OR2T10: variants seen among roughly 807,000 people sequenced by gnomAD.
OR2T10 encodes olfactory receptor 2T10.
For synonymous variants in OR2T10, 125 were observed against 141.8 expected, an observed-to-expected ratio of 0.88 and a Z score of 0.84; for missense variants, 335 against 382.5, an observed-to-expected ratio of 0.88 and a Z score of 1.04.
chr1:248,596,795 G>C (rs1283719056), intron 1 of OR2T10, among the ~76,000 whole-genome samples: 1 of 142,904 alleles, frequency 7.0e-6, no homozygotes, highest in Non-Finnish European at 1.5e-5. Context: ...CCTCCTTCTT[G>C]AGTGGGTATT....
rs558766972 is a variant in OR2T10 at position 248,594,252 on chromosome 1, G to A, written c.-28-456C>T. 5.6e-5 allele frequency among the ~76,000 whole-genome samples: 8 copies of A among 142,760 alleles called. No homozygotes were observed. In the East Asian group the frequency reaches 6.0e-4, roughly 11 times the overall value. 93.7% of individuals were successfully genotyped at this position (142,760 alleles called of 152,430 possible). A position where few individuals can be genotyped will look rare whatever the true frequency, so the allele number is the denominator to read the frequency against. On this transcript the variant is annotated intron_variant, in intron 1 of 1. Coordinates refer to ENST00000642090, the MANE Select transcript of OR2T10 (RefSeq NM_001004693.2). ...GTAATACTTGTGTTTCTTAAATCTC[G>A]TTACAAATCTACGAACATACAATTT...
In OR2T10 at chr1:248,593,092, T is replaced by C. The variant is rs369930196; in HGVS notation, c.677A>G (p.His226Arg). ...VSYYYIILTI[H>R]KMNSVEGRKK... Reference sequence around the variant, plus strand: ...CCGACCCTCAACTGAGTTCATCTTATGGATGGTGAGGATGATATAGTAGTA... The same window carrying C: ...CCGACCCTCAACTGAGTTCATCTTACGGATGGTGAGGATGATATAGTAGTA... The change falls in exon 2 of 2, where the codon CAT (histidine) becomes CGT (arginine). Residue 226 changes from histidine to arginine, a missense_variant. His to Arg is a conservative substitution (Grantham distance 29, BLOSUM62 0). Coordinates refer to ENST00000642090, the MANE Select transcript of OR2T10 (RefSeq NM_001004693.2). The C allele has an allele frequency of 6.4e-7, 1 of 1,572,598 alleles. No homozygotes were observed.
intron 1 of OR2T10, chr1:248,594,925 T>A (rs1260624106): frequency 7.0e-6 from 1 of 143,450 alleles, no homozygotes; most frequent in African/African-American, 2.8e-5. Flanking sequence ...CAATTTTTTT[T>A]AAAGACTACT....
intron 1 of OR2T10, among the ~76,000 whole-genome samples, chr1:248,596,646 A>G (rs1308665974): frequency 7.0e-6 from 1 of 143,746 alleles, no homozygotes. Flanking sequence ...AAAGAACAGC[A>G]ATTAGGTTCA....
Position 248,591,838 on chromosome 1 carries a change from AATAAG to A in OR2T10, c.*987_*991del, listed in dbSNP as rs1660004068. ...TGGGTTTCAGTTAAATCAACTGTAGAATAAGGCTAATAATAGGCTGTGAAAATAAA... is the reference window on the plus strand; with the variant it reads ...TGGGTTTCAGTTAAATCAACTGTAGAGCTAATAATAGGCTGTGAAAATAAA... On this transcript the variant is annotated 3_prime_UTR_variant, in exon 2 of 2. Transcript: ENST00000642090. 2.1e-5 allele frequency: 3 copies of A among 144,192 alleles called. No homozygotes were observed. Among genetic ancestry groups the A allele is most frequent in the Non-Finnish European group, 4.5e-5 (3 of 66,434 alleles). The allele number at this position is 144,192 out of a possible 1,614,324, so 8.9% of individuals were successfully genotyped here. A position where few individuals can be genotyped will look rare whatever the true frequency, so the allele number is the denominator to read the frequency against.
chr1:248,596,742 G>A (rs1424116754), intron 1 of OR2T10, among the ~76,000 whole-genome samples: 1 of 143,484 alleles, frequency 7.0e-6, no homozygotes, highest in Non-Finnish European at 1.5e-5. Context: ...AGTTGTGACA[G>A]GCTTCACAGT....
rs1659984829 is a variant in OR2T10 at position 248,590,758 on chromosome 1, T to C, written c.*2072A>G. On this transcript the variant is annotated 3_prime_UTR_variant, in exon 2 of 2. Coordinates refer to ENST00000642090, the MANE Select transcript of OR2T10 (RefSeq NM_001004693.2). Reference sequence around the variant, plus strand: ...GGCGTTTACTATAAACATTACAGCATGTACTCTTGATTTACTAAAGTTTAA... The same window carrying C: ...GGCGTTTACTATAAACATTACAGCACGTACTCTTGATTTACTAAAGTTTAA... The C allele has an allele frequency of 1.4e-5, 2 of 143,680 alleles. No individual in the cohort carries two copies. Among genetic ancestry groups the C allele is most frequent in the African/African-American group, 2.7e-5 (1 of 36,582 alleles). The allele number at this position is 143,680 out of a possible 1,614,324, so 8.9% of individuals were successfully genotyped here.
rs1280439562 is a variant in OR2T10 at position 248,591,662 on chromosome 1, A to G, written c.*1168T>C. 1 of 143,980 alleles carries G rather than the reference A, an allele frequency of 6.9e-6. No homozygotes were observed. The highest frequency in any genetic ancestry group is 2.7e-5 in the African/African-American group (1 of 36,652). The allele number at this position is 143,980 out of a possible 1,614,324, so 8.9% of individuals were successfully genotyped here. ...TGGAGTATGGCCCTCCCAGAGGGAGAGGCAATGCAGTGTGGAAAAGGCCAC... is the reference window on the plus strand; with the variant it reads ...TGGAGTATGGCCCTCCCAGAGGGAGGGGCAATGCAGTGTGGAAAAGGCCAC... On this transcript the variant is annotated 3_prime_UTR_variant, in exon 2 of 2. Transcript: ENST00000642090.
In OR2T10 at chr1:248,593,603, G is replaced by A; in HGVS notation, c.166C>T (p.His56Tyr). The A allele has an allele frequency of 6.4e-7, 1 of 1,565,152 alleles. No individual in the cohort carries two copies. The change falls in exon 2 of 2, where the codon CAT becomes TAT. Residue 56 changes from histidine (H) to tyrosine (Y), a missense_variant. Coordinates refer to ENST00000642090, the MANE Select transcript of OR2T10 (RefSeq NM_001004693.2). The stretch of plus-strand genomic sequence containing the variant: ...TTTATAAAGAAGTACATGGGAGTAT[G>A]CAGAGAGGAGTCAATGTGGATCAGA... ...ILLIHIDSSLHTPMYFFINQL... is the reference protein window; with the variant it reads ...ILLIHIDSSLYTPMYFFINQL...
rs760029516 is a variant in OR2T10 at position 248,593,328 on chromosome 1, G to T, written c.441C>A (p.Gly147=). The part of the protein sequence containing the change: ...SHRVCLLLAS[G]CWFVGSVDGF... ...CATCCACTGAGCCCACAAACCAGCAGCCTGATGCCAGGAGGAGACATACCC... is the reference window on the plus strand; with the variant it reads ...CATCCACTGAGCCCACAAACCAGCATCCTGATGCCAGGAGGAGACATACCC... Residue 147 remains glycine (G), a synonymous_variant, in exon 2 of 2, where the codon GGC becomes GGA. Transcript: ENST00000642090. 1 of 1,573,392 alleles carries T rather than the reference G, an allele frequency of 6.4e-7. No individual in the cohort carries two copies. The highest frequency in any genetic ancestry group is 8.6e-7 in the Non-Finnish European group (1 of 1,157,044).
rs1476983618 is a variant in OR2T10 at position 248,592,239 on chromosome 1, G to C, written c.*591C>G. On this transcript the variant is annotated 3_prime_UTR_variant, in exon 2 of 2. Transcript: ENST00000642090. ...TTCTGATGGAAGAAAAATCTCAACT[G>C]TACATTTAGCATCTCTGAGGTCTTG... 1.4e-5 allele frequency: 2 copies of C among 143,978 alleles called. No homozygotes were observed. Among genetic ancestry groups the C allele is most frequent in the Non-Finnish European group, 3.0e-5 (2 of 66,398 alleles). 8.9% of individuals were successfully genotyped at this position (143,978 alleles called of 1,614,324 possible). A position where few individuals can be genotyped will look rare whatever the true frequency, so the allele number is the denominator to read the frequency against.
At position 248,593,495 on chromosome 1, in the gene OR2T10, T is replaced by C. The variant is rs1660046212; in HGVS notation, c.274A>G (p.Ile92Val). The change falls in exon 2 of 2, where the codon ATC becomes GTC. Residue 92 changes from isoleucine to valine, a missense_variant. Transcript: ENST00000642090. ...TGGGTGCCACACCCAAGGACCGAGA[T>C]GGTCTTGTCTTTGGCCAGCTGGTTC... ...LVNQLAKDKTISVLGCGTQMY... is the reference protein window; with the variant it reads ...LVNQLAKDKTVSVLGCGTQMY... The C allele has an allele frequency of 1.3e-6, 2 of 1,572,570 alleles. No homozygotes were observed. Among genetic ancestry groups the C allele is most frequent in the African/African-American group, 1.5e-5 (1 of 66,470 alleles).
In OR2T10 at chr1:248,592,688, G is replaced by C; in HGVS notation, c.*142C>G. 1.8e-6 allele frequency: 1 copy of C among 549,708 alleles called. No homozygotes were observed. Among genetic ancestry groups the C allele is most frequent in the Non-Finnish European group, 3.2e-6 (1 of 312,914 alleles). The allele number at this position is 549,708 out of a possible 1,614,324, so 34.1% of individuals were successfully genotyped here. On this transcript the variant is annotated 3_prime_UTR_variant, in exon 2 of 2. Transcript: ENST00000642090. ...CATCATCTCAAGTGTGATTATAGGA[G>C]GGAAGAACACTGGGCTGAATCCCCC...
At position 248,593,554 on chromosome 1, in the gene OR2T10, G is replaced by T; in HGVS notation, c.215C>A (p.Thr72Lys). 1.9e-6 allele frequency: 3 copies of T among 1,568,346 alleles called. 1 individual carries two copies. The highest frequency in any genetic ancestry group is 2.6e-6 in the Non-Finnish European group (3 of 1,153,110). Reference sequence around the variant, plus strand: ...TTTGGGGACAGTGACAGAAATATATGTCAAGTCTATGAGTGAGAGCTGGTT... The same window carrying T: ...TTTGGGGACAGTGACAGAAATATATTTCAAGTCTATGAGTGAGAGCTGGTT... ...FINQLSLIDLTYISVTVPKML... is the reference protein window; with the variant it reads ...FINQLSLIDLKYISVTVPKML... The change falls in exon 2 of 2, where the codon ACA becomes AAA. Residue 72 changes from threonine to lysine, a missense_variant. Coordinates refer to ENST00000642090, the MANE Select transcript of OR2T10 (RefSeq NM_001004693.2).
chr1:248,594,892 A>C (rs1182447029), intron 1 of OR2T10: 2 of 143,188 alleles, frequency 1.4e-5, no homozygotes, highest in East Asian at 4.0e-4. Flanking sequence ...CCAGTGGTTC[A>C]AGCATGGGGG....
chr1:248,593,803 G>A lies in OR2T10; in HGVS notation c.-28-7C>T. 5 of 1,157,166 alleles carry A rather than the reference G, an allele frequency of 4.3e-6. No homozygotes were observed. The highest frequency in any genetic ancestry group is 1.8e-5 in the African/African-American group (1 of 55,926). 71.7% of individuals were successfully genotyped at this position (1,157,166 alleles called of 1,614,324 possible). A position where few individuals can be genotyped will look rare whatever the true frequency, so the allele number is the denominator to read the frequency against. On this transcript the variant is annotated splice_region_variant and splice_polypyrimidine_tract_variant and intron_variant, in intron 1 of 1. Coordinates refer to ENST00000642090, the MANE Select transcript of OR2T10 (RefSeq NM_001004693.2). ...TCGGCTGAAGTGGCTTTACCTGGAG[G>A]ACAAAAGTAAACTTTATTTATAATC...
chr1:248,596,235 A>G (rs1340920764), intron 1 of OR2T10, among the ~76,000 whole-genome samples: 3 of 143,324 alleles, frequency 2.1e-5, no homozygotes, highest in Non-Finnish European at 4.5e-5. Context: ...TCTCAGTGAA[A>G]TAAGTGTATT....
rs1039093414 is a variant in OR2T10, at chr1:248,595,359, C to A, written c.-28-1563G>T. Among the ~76,000 whole-genome samples the A allele has an allele frequency of 3.5e-5, 5 of 143,120 alleles. 1 individual carries two copies. Among genetic ancestry groups the A allele is most frequent in the Non-Finnish European group, 6.0e-5 (4 of 66,256 alleles). The allele number at this position is 143,120 out of a possible 152,430, so 93.9% of individuals were successfully genotyped here. ...TTATATTGCAGCTTTTCTTATGTAA[C>A]CTTTTACATTGTAATGTACACTTTA... On this transcript the variant is annotated intron_variant, in intron 1 of 1. Transcript: ENST00000642090.
At chr1:248,597,361 A>C (rs1480600480) in intron 1 of OR2T10, 131 bp downstream of exon 1, 1 of 142,414 alleles carries the variant, frequency 7.0e-6, no homozygotes, top group East Asian at 2.0e-4. Flanking sequence ...TGTTAGTATA[A>C]TTTTACCAAT....
Sources: allele counts gnomAD v4.1 joint callset (sites outside exome capture counted in the v4.1 genomes callset), GRCh38; gene constraint gnomAD v4.1.1; transcripts MANE v1.5; gene names NCBI Gene and HGNC (gene_info 2026-07-23, HGNC 2026-07-21).